Variants in SENP7 observed in about 807,000 individuals in gnomAD.
The protein encoded by SENP7 is SUMO specific peptidase 7.
In SENP7, 64 loss-of-function variants were observed where a neutral mutation model predicts 141.2. That is an observed-to-expected ratio of 0.45 (90% CI 0.37 to 0.56). The LOEUF is 0.56. Ranked by LOEUF, SENP7 falls within the 20% of genes least tolerant of loss-of-function variation. The probability of loss-of-function intolerance (pLI) is 0.00; values close to 1 mark genes in which losing one functional copy is unlikely to be tolerated. For missense variants in SENP7, 1,025 were observed against 1,212.2 expected (o/e 0.85, Z 2.29); for synonymous variants, 382 against 426.4 (o/e 0.90, Z 1.28).
intron 16 of SENP7, among the ~76,000 whole-genome samples, chr3:101,339,169 G>C (rs1380911046): frequency 6.6e-6 from 1 of 152,182 alleles, no homozygotes; most frequent in Non-Finnish European, 1.5e-5. Context: ...TACAGTGTCT[G>C]TAAATATAAT....
chr3:101,394,313 T>C (rs1415879859), intron 6 of SENP7, among the ~76,000 whole-genome samples: 2 of 152,210 alleles, frequency 1.3e-5, no homozygotes, highest in South Asian at 2.1e-4. Context: ...TATTCCATTG[T>C]GTATACAGAC....
chr3:101,445,369 T>C (rs1376268176), intron 4 of SENP7, among the ~76,000 whole-genome samples: 1 of 151,566 alleles, frequency 6.6e-6, no homozygotes, highest in Non-Finnish European at 1.5e-5. Flanking sequence ...GTATCTACCA[T>C]CATGAAAACA....
chr3:101,470,631 G>C (rs2063950167), intron 3 of SENP7, among the ~76,000 whole-genome samples: 1 of 152,160 alleles, frequency 6.6e-6, no homozygotes, highest in African/African-American at 2.4e-5. Context: ...ATTCAACATA[G>C]TATTGGAAGT....
At chr3:101,357,768 A>C in intron 11 of SENP7, 1 of 629,218 alleles carries the variant, frequency 1.6e-6, no homozygotes. Context: ...TTTTAAATGT[A>C]AAGAATGAGG....
intron 3 of SENP7, among the ~76,000 whole-genome samples, chr3:101,459,374 T>C (rs2063473370): frequency 6.6e-6 from 1 of 152,168 alleles, no homozygotes; most frequent in African/African-American, 2.4e-5. Flanking sequence ...GAAGGTTAAA[T>C]AGGGCCTATG....
intron 11 of SENP7, among the ~76,000 whole-genome samples, chr3:101,353,058 AGGAAGTT>A (rs1285630043): frequency 1.3e-5 from 2 of 151,976 alleles, no homozygotes; most frequent in Admixed American, 6.6e-5. Context: ...TCCTTAATCA[AGGAAGTT>A]GTTATCATTA....
At chr3:101,343,226 C>T (rs1473111628) in intron 14 of SENP7, among the ~76,000 whole-genome samples, 1 of 152,120 alleles carries the variant, frequency 6.6e-6, no homozygotes, top group Non-Finnish European at 1.5e-5. Flanking sequence ...GTAAATAATA[C>T]ATATTTTATG....
chr3:101,332,630 A>G (rs1261934604), intron 18 of SENP7, 140 bp downstream of exon 18: 1 of 475,206 alleles, frequency 2.1e-6, no homozygotes, highest in Non-Finnish European at 3.5e-6. Context: ...TCATTGCCTT[A>G]GCTACTTTTA....
chr3:101,394,796 T>A (rs2060921146), intron 6 of SENP7, among the ~76,000 whole-genome samples: 1 of 152,160 alleles, frequency 6.6e-6, no homozygotes, highest in Admixed American at 6.6e-5. Flanking sequence ...CTTCTCCACA[T>A]CCTTGCCAAC....
chr3:101,357,205 T>C (rs549344006), intron 11 of SENP7: 1 of 248,178 alleles, frequency 4.0e-6, no homozygotes, highest in South Asian at 6.8e-5. Context: ...TTCACCATGT[T>C]GGTCAGGCTG....
chr3:101,453,599 A>G (rs2063233902), intron 4 of SENP7, among the ~76,000 whole-genome samples: 1 of 151,840 alleles, frequency 6.6e-6, no homozygotes, highest in South Asian at 2.1e-4. Context: ...CATCATTCTC[A>G]GTAAACTATC....
At chr3:101,342,278 C>T (rs1284140381) in intron 14 of SENP7, among the ~76,000 whole-genome samples, 1 of 152,132 alleles carries the variant, frequency 6.6e-6, no homozygotes, top group East Asian at 1.9e-4. Context: ...TGGCCAAACC[C>T]GTGTATGTGC....
At chr3:101,433,474 C>T (rs2062262529) in intron 4 of SENP7, among the ~76,000 whole-genome samples, 1 of 151,860 alleles carries the variant, frequency 6.6e-6, no homozygotes, top group African/African-American at 2.4e-5. Context: ...CTTAAAAACA[C>T]AGACTGGCTG....
intron 3 of SENP7, among the ~76,000 whole-genome samples, chr3:101,463,396 T>TATACATATATATATATATAC (rs1320861204): frequency 3.6e-5 from 3 of 82,858 alleles, no homozygotes; most frequent in African/African-American, 1.8e-4. Context: ...TATATATATA[T>TATACATATATATATATATAC]ACATATATAT....
At chr3:101,485,658 A>G (rs1342275917) in intron 3 of SENP7, among the ~76,000 whole-genome samples, 1 of 152,176 alleles carries the variant, frequency 6.6e-6, no homozygotes, top group East Asian at 1.9e-4. Context: ...CCCAAATGAG[A>G]AGGAACCAGA....
intron 5 of SENP7, among the ~76,000 whole-genome samples, chr3:101,409,320 C>T (rs2061390272): frequency 1.3e-5 from 2 of 152,202 alleles, no homozygotes; most frequent in African/African-American, 4.8e-5. Context: ...ACATCCCATA[C>T]TCATGGATGG....
intron 11 of SENP7, among the ~76,000 whole-genome samples, chr3:101,354,267 AC>A (rs1303626423): frequency 3.9e-5 from 6 of 151,974 alleles, no homozygotes; most frequent in Non-Finnish European, 8.8e-5. Context: ...AAAATTTGTT[AC>A]CTTTTATTTT....
chr3:101,383,127 T>C (rs896352695), intron 6 of SENP7, among the ~76,000 whole-genome samples: 3 of 152,072 alleles, frequency 2.0e-5, no homozygotes, highest in Non-Finnish European at 2.9e-5. Flanking sequence ...TGGTGAGAGG[T>C]GTTTAGGTCA....
At chr3:101,488,444 C>A (rs1467673752) in intron 3 of SENP7, among the ~76,000 whole-genome samples, 2 of 152,194 alleles carry the variant, frequency 1.3e-5, no homozygotes, top group African/African-American at 4.8e-5. Flanking sequence ...GAGACTAAAT[C>A]TATCACTCAC....
Sources: gnomAD v4.1 joint callset for allele counts (sites outside exome capture counted in the v4.1 genomes callset) on GRCh38, gnomAD v4.1.1 for gene constraint, MANE v1.5 for transcripts, NCBI Gene and HGNC (gene_info 2026-07-23, HGNC 2026-07-21) for gene names.